The following CEP72 variants were observed in gnomAD, a reference collection of about 807,000 sequenced individuals.
CEP72 encodes centrosomal protein 72.
CEP72 carries 78 observed loss-of-function variants against 65.7 expected under a neutral mutation model. That is an observed-to-expected ratio of 1.19 (90% confidence interval 0.99 to 1.43). The LOEUF (loss-of-function observed/expected upper bound fraction) is 1.43, where lower values mean the gene tolerates loss of function less well. CEP72 is among the 40% of genes most tolerant of loss of function. The pLI, the probability that CEP72 is intolerant of heterozygous loss-of-function variation, is 0.00. For synonymous variants in CEP72, 358 were observed against 351.7 expected (o/e 1.02, Z -0.20); for missense variants, 914 against 832.9 (o/e 1.10, Z -1.20).
At chr5:632,110 A>G (rs374707076) in intron 4 of CEP72, among the ~76,000 whole-genome samples, 31 of 36,426 alleles carry the variant, frequency 8.5e-4, no homozygotes, top group South Asian at 2.2e-3. Context: ...GCCGGGATTT[A>G]GACCAGTCCT....
chr5:625,174 T>C (rs1435733728), intron 4 of CEP72, among the ~76,000 whole-genome samples: 2 of 152,226 alleles, frequency 1.3e-5, no homozygotes, highest in Admixed American at 1.3e-4. Context: ...GTTGATAGTA[T>C]CTGCGTGTAT....
At chr5:637,430 A>G in intron 6 of CEP72, 87 bp from the exon 7 acceptor site, 1 of 1,205,674 alleles carries the variant, frequency 8.3e-7, no homozygotes, top group South Asian at 1.4e-5. Flanking sequence ...ATACATGGGC[A>G]CACACATGCC....
At chr5:675,079 GCAT>G in the CEP72 span, among the ~76,000 whole-genome samples, 1 of 72,634 alleles carries the variant, frequency 1.4e-5, no homozygotes. Context: ...CAGGGGTGCA[GCAT>G]GGGGGGTTCA....
downstream of CEP72, among the ~76,000 whole-genome samples, chr5:659,499 G>A (rs1739494145): frequency 1.3e-5 from 2 of 152,242 alleles, no homozygotes; most frequent in African/African-American, 2.4e-5. Context: ...CGCTGGGCTA[G>A]TATCTCAGGT....
At chr5:619,537 C>T (rs937992152) in intron 2 of CEP72, among the ~76,000 whole-genome samples, 2 of 152,112 alleles carry the variant, frequency 1.3e-5, no homozygotes, top group African/African-American at 2.4e-5. Context: ...ATTATGGAGG[C>T]TGCGTCTGCA....
chr5:656,769 T>C (rs1330740866), downstream of CEP72, among the ~76,000 whole-genome samples: 1 of 152,204 alleles, frequency 6.6e-6, no homozygotes, highest in East Asian at 1.9e-4. Context: ...TTTTGTTTTG[T>C]TTTTTGCTTT....
chr5:627,325 C>T (rs1736821555), intron 4 of CEP72, among the ~76,000 whole-genome samples: 1 of 152,080 alleles, frequency 6.6e-6, no homozygotes, highest in South Asian at 2.1e-4. Context: ...TGGTGATAAC[C>T]CCTCTTTCAT....
rs1229729061 is a variant in CEP72 at position 639,014 on chromosome 5, T to C, written c.1207-75T>C. On this transcript the variant is annotated intron_variant, in intron 7 of 11. Transcript: ENST00000264935. ...TTCGTGGTGCGAGGGCATCCCAGGGTGCGCTTGGGCACCTGCTGGCATTCA... is the reference window on the plus strand; with the variant it reads ...TTCGTGGTGCGAGGGCATCCCAGGGCGCGCTTGGGCACCTGCTGGCATTCA... 4.4e-6 allele frequency: 7 copies of C among 1,581,892 alleles called. No individual in the cohort carries two copies. The East Asian group carries it at 1.6e-4, about 36-fold the overall frequency.
intron 9 of CEP72, chr5:641,365 G>A (rs1029854684): frequency 4.1e-6 from 4 of 985,332 alleles, no homozygotes; most frequent in Admixed American, 6.1e-5. Flanking sequence ...GTGAGGATGT[G>A]CACATCCAGA....
chr5:647,989 G>A (rs1738536589), intron 11 of CEP72, 73 bp downstream of exon 11: 1 of 987,460 alleles, frequency 1.0e-6, no homozygotes, highest in Non-Finnish European at 1.5e-6. Flanking sequence ...GGGCCGGACT[G>A]GGTCACACCC....
At chr5:614,850 G>A (rs1439344966) in intron 1 of CEP72, among the ~76,000 whole-genome samples, 1 of 152,120 alleles carries the variant, frequency 6.6e-6, no homozygotes, top group Non-Finnish European at 1.5e-5. Flanking sequence ...GCACTTGAGT[G>A]TGTGTGTATT....
In CEP72 at chr5:633,892, C is replaced by T. The variant is rs375289450; in HGVS notation, c.636C>T (p.Pro212=). 18 of 1,613,192 alleles carry T rather than the reference C, an allele frequency of 1.1e-5. No individual in the cohort carries two copies. Among genetic ancestry groups the T allele is most frequent in the African/African-American group, 9.3e-5 (7 of 74,936 alleles). Residue 212 remains proline (P), a synonymous_variant, in exon 5 of 12, where the codon CCC becomes CCT. Transcript: ENST00000264935. ...GCGAGTGGGACCTCGGCAGGCCTCC[C>T]GGGAGCACGAGCTTCAGCCAGAAGG... ...AECEWDLGRP[P]GSTSFSQKGR...
chr5:668,913 C>T (rs563750012), downstream of CEP72, among the ~76,000 whole-genome samples: 25 of 152,316 alleles, frequency 1.6e-4, no homozygotes, highest in African/African-American at 3.8e-4. Context: ...GAGCCAGGCA[C>T]GGAGGTGCCG....
chr5:614,336 A>G (rs1304699959), intron 1 of CEP72, among the ~76,000 whole-genome samples: 3 of 152,046 alleles, frequency 2.0e-5, no homozygotes, highest in African/African-American at 7.2e-5. Flanking sequence ...GTTTCCCTGT[A>G]AGCACTGCTT....
the CEP72 span, among the ~76,000 whole-genome samples, chr5:673,470 G>T: frequency 1.3e-5 from 2 of 152,064 alleles, no homozygotes; most frequent in African/African-American, 4.8e-5. Flanking sequence ...GGGGAGGGGG[G>T]GAGGTCAGAA....
chr5:627,668 C>A (rs1178616181), intron 4 of CEP72, among the ~76,000 whole-genome samples: 1 of 152,152 alleles, frequency 6.6e-6, no homozygotes, highest in Non-Finnish European at 1.5e-5. Flanking sequence ...GCTGACACCA[C>A]TCCAAATACA....
the CEP72 span, among the ~76,000 whole-genome samples, chr5:672,928 G>A: frequency 1.3e-5 from 2 of 152,228 alleles, no homozygotes; most frequent in Non-Finnish European, 2.9e-5. Context: ...CCATGGCAAC[G>A]AGGACTAAAC....
At chr5:621,919 G>A (rs1017675531) in intron 3 of CEP72, among the ~76,000 whole-genome samples, 1 of 152,224 alleles carries the variant, frequency 6.6e-6, no homozygotes, top group Admixed American at 6.5e-5. Flanking sequence ...GATTACAGGT[G>A]CGTGCCACTG....
intron 2 of CEP72, chr5:665,048 G>T: frequency 1.1e-5 from 17 of 1,564,472 alleles, no homozygotes; most frequent in Non-Finnish European, 1.5e-5. Context: ...AGTGCGAGGT[G>T]ACAGAGTCCC....
Sources: gnomAD v4.1 joint callset for allele counts (sites outside exome capture counted in the v4.1 genomes callset) on GRCh38, gnomAD v4.1.1 for gene constraint, MANE v1.5 for transcripts, NCBI Gene and HGNC (gene_info 2026-07-23, HGNC 2026-07-21) for gene names.